TSGA10: variants seen among roughly 807,000 people sequenced by gnomAD.
TSGA10 encodes the protein testis-specific gene 10 protein.
In TSGA10, 43 loss-of-function variants were observed where a neutral mutation model predicts 96.6. The observed-to-expected ratio is 0.44, with a 90% CI of 0.35 to 0.57. TSGA10 has a LOEUF of 0.57. TSGA10 is among the 20% of genes least tolerant of loss of function. The probability of loss-of-function intolerance (pLI) is 0.01; values close to 1 mark genes in which losing one functional copy is unlikely to be tolerated. For missense variants in TSGA10, 703 were observed against 834.4 expected (o/e 0.84, Z 1.94); for synonymous variants, 229 against 269.9 (o/e 0.85, Z 1.48).
intron 17 of TSGA10, 26 bp downstream of exon 17, chr2:99,035,204 A>C: frequency 6.6e-7 from 1 of 1,519,306 alleles, no homozygotes; most frequent in Non-Finnish European, 8.9e-7. Flanking sequence ...TAGCAATTTT[A>C]AAGATTTTTA....
chr2:99,088,724 A>C (rs1271681726), intron 10 of TSGA10, among the ~76,000 whole-genome samples: 1 of 152,242 alleles, frequency 6.6e-6, no homozygotes, highest in Admixed American at 6.5e-5. Flanking sequence ...CATAAAAGGC[A>C]TATGCAAAAA....
intron 1 of TSGA10, chr2:99,140,985 C>A (rs2093519293): frequency 1.0e-6 from 1 of 954,378 alleles, no homozygotes; most frequent in Non-Finnish European, 1.4e-6. Flanking sequence ...GCCACGGCCC[C>A]GCACCCGCCA....
chr2:99,103,959 T>C lies in TSGA10; in HGVS notation c.611+8A>G. Reference sequence around the variant, plus strand: ...AACTGTTGGTTGTTTAAAGGTGATTTAGTTTACCTCAAAGAATTATTCTCT... The same window carrying C: ...AACTGTTGGTTGTTTAAAGGTGATTCAGTTTACCTCAAAGAATTATTCTCT... On this transcript the variant is annotated splice_region_variant and intron_variant, in intron 10 of 20. Coordinates refer to ENST00000393483, the MANE Select transcript of TSGA10 (RefSeq NM_025244.4). 6.2e-7 allele frequency: 1 copy of C among 1,613,572 alleles called. No homozygotes were observed. The highest frequency in any genetic ancestry group is 2.2e-5 in the East Asian group (1 of 44,834).
chr2:99,034,882 C>T (rs573164912), intron 17 of TSGA10, among the ~76,000 whole-genome samples: 1 of 152,056 alleles, frequency 6.6e-6, no homozygotes, highest in Admixed American at 6.6e-5. Flanking sequence ...TAAAAGAACC[C>T]GGCCAATTAG....
intron 20 of TSGA10, among the ~76,000 whole-genome samples, chr2:99,002,032 G>A (rs544590747): frequency 4.6e-5 from 7 of 152,278 alleles, no homozygotes; most frequent in Non-Finnish European, 7.3e-5. Context: ...AAAGTGACGG[G>A]GAGAATGGAA....
In TSGA10 at chr2:99,028,464, G is replaced by A. The variant is rs140414848; in HGVS notation, c.1614+6766C>T. On this transcript the variant is annotated intron_variant, in intron 17 of 20. Transcript: ENST00000393483. Reference sequence around the variant, plus strand: ...ACCTCTCAACTAGTTACTGTTGTATGTGTGTGTTAAGAACACATGAGATCT... The same window carrying A: ...ACCTCTCAACTAGTTACTGTTGTATATGTGTGTTAAGAACACATGAGATCT... Among the ~76,000 whole-genome samples, 20 of 152,254 alleles carry A rather than the reference G, an allele frequency of 1.3e-4. No individual in the cohort carries two copies. The East Asian group carries it at 3.5e-3, about 26-fold the overall frequency.
chr2:99,065,988 C>T (rs1024253648), intron 15 of TSGA10, among the ~76,000 whole-genome samples: 6 of 152,114 alleles, frequency 3.9e-5, no homozygotes, highest in Non-Finnish European at 8.8e-5. Flanking sequence ...TTGGTGAATT[C>T]ATTCTAAAAA....
intron 3 of TSGA10, 77 bp downstream of exon 3, chr2:99,118,474 T>C (rs2092398251): frequency 2.3e-6 from 1 of 435,602 alleles, no homozygotes; most frequent in South Asian, 9.7e-5. Flanking sequence ...AAAAAGTATA[T>C]ATACATATAT....
chr2:99,071,679 A>T (rs1574050168), intron 14 of TSGA10, 27 bp downstream of exon 14: 2 of 1,580,306 alleles, frequency 1.3e-6, no homozygotes, highest in Admixed American at 1.9e-5. Flanking sequence ...TTTTTCTTGG[A>T]GAAAATGATT....
chr2:99,117,694 C>T lies in TSGA10; in HGVS notation c.-290G>A, dbSNP rs1013723533. 47 of 985,640 alleles carry T rather than the reference C, an allele frequency of 4.8e-5. No individual in the cohort carries two copies. Among genetic ancestry groups the T allele is most frequent in the Non-Finnish European group, 5.4e-5 (45 of 829,914 alleles). 61.1% of individuals were successfully genotyped at this position (985,640 alleles called of 1,614,324 possible). A position where few individuals can be genotyped will look rare whatever the true frequency, so the allele number is the denominator to read the frequency against. On this transcript the variant is annotated 5_prime_UTR_variant, in exon 4 of 21. Transcript: ENST00000393483. ...CATCTACTTGACTGCTTACCACCTC[C>T]TTACTATCCAAGAGTTTCCTAACAT...
chr2:99,017,306 A>G (rs1329333581), intron 20 of TSGA10, among the ~76,000 whole-genome samples: 1 of 152,252 alleles, frequency 6.6e-6, no homozygotes, highest in Non-Finnish European at 1.5e-5. Flanking sequence ...TAAATACACC[A>G]GGGAATACTA....
chr2:99,016,697 G>A (rs1248659027), intron 20 of TSGA10, among the ~76,000 whole-genome samples: 1 of 152,206 alleles, frequency 6.6e-6, no homozygotes, highest in Admixed American at 6.5e-5. Context: ...AATCAGCAGA[G>A]TAAACAGACA....
intron 15 of TSGA10, among the ~76,000 whole-genome samples, chr2:99,067,916 GCTCA>G (rs2085454989): frequency 6.6e-6 from 1 of 152,058 alleles, no homozygotes; most frequent in Non-Finnish European, 1.5e-5. Context: ...GATTCAGATG[GCTCA>G]CTGTGCTAGG....
chr2:99,091,466 A>G (rs1432945112), intron 10 of TSGA10, among the ~76,000 whole-genome samples: 2 of 152,176 alleles, frequency 1.3e-5, no homozygotes, highest in Non-Finnish European at 2.9e-5. Context: ...CAATAGAAAC[A>G]TTGAATGTAA....
chr2:99,095,630 T>C (rs2089953623), intron 10 of TSGA10, among the ~76,000 whole-genome samples: 1 of 152,076 alleles, frequency 6.6e-6, no homozygotes, highest in South Asian at 2.1e-4. Context: ...TGGGAGATAT[T>C]ACAACTGACA....
At chr2:99,149,738 G>A (rs1488843902) in intron 1 of TSGA10, among the ~76,000 whole-genome samples, 3 of 148,538 alleles carry the variant, frequency 2.0e-5, no homozygotes, top group East Asian at 2.0e-4. Flanking sequence ...CACTGCGCTC[G>A]GCCGATCATC....
intron 14 of TSGA10, 68 bp downstream of exon 14, chr2:99,071,638 A>G: frequency 3.4e-6 from 5 of 1,460,606 alleles, no homozygotes; most frequent in Non-Finnish European, 3.7e-6. Context: ...AAATAAAATG[A>G]GGGCTGTTCC....
At chr2:99,104,891 C>T (rs1438949429) in intron 9 of TSGA10, among the ~76,000 whole-genome samples, 2 of 152,092 alleles carry the variant, frequency 1.3e-5, no homozygotes, top group African/African-American at 4.8e-5. Flanking sequence ...GTGACAATAT[C>T]ATCAATATAT....
chr2:99,005,014 G>T (rs564001453), intron 20 of TSGA10, among the ~76,000 whole-genome samples: 56 of 152,210 alleles, frequency 3.7e-4, no homozygotes, highest in Non-Finnish European at 4.1e-4. Context: ...ATGTAATCCA[G>T]CATATAAACA....
Sources: allele counts gnomAD v4.1 joint callset (sites outside exome capture counted in the v4.1 genomes callset), GRCh38; gene constraint gnomAD v4.1.1; transcripts MANE v1.5; gene names NCBI Gene and HGNC (gene_info 2026-07-23, HGNC 2026-07-21).